The following SERINC3 variants were observed in gnomAD, a reference collection of about 807,000 sequenced individuals.
SERINC3 encodes the protein tumor differentially expressed protein 1.
SERINC3 carries 22 observed loss-of-function variants against 52.1 expected under a neutral mutation model. The observed-to-expected ratio is 0.42, with a 90% CI of 0.30 to 0.60. The LOEUF is 0.60. Among genes scored for constraint, SERINC3 ranks in the 20% least tolerant of loss-of-function variants. The probability of loss-of-function intolerance (pLI) is 0.16; values close to 1 mark genes in which losing one functional copy is unlikely to be tolerated. For synonymous variants in SERINC3, 226 were observed against 212.7 expected (o/e 1.06, Z -0.54); for missense variants, 564 against 584.6 (o/e 0.96, Z 0.36).
intron 1 of SERINC3, 174 bp from the exon 2 acceptor site, chr20:44,514,214 G>A (rs1367020590): frequency 5.1e-5 from 14 of 272,150 alleles, no homozygotes; most frequent in Non-Finnish European, 6.7e-5. Context: ...TATTTCTGCC[G>A]CTTTTTACCC....
At chr20:44,502,109 T>C (rs2064283555) in intron 8 of SERINC3, among the ~76,000 whole-genome samples, 1 of 152,160 alleles carries the variant, frequency 6.6e-6, no homozygotes, top group Non-Finnish European at 1.5e-5. Context: ...TCCAACAATG[T>C]AGTAAAATTC....
At chr20:44,519,133 G>C (rs1208153584) in intron 1 of SERINC3, among the ~76,000 whole-genome samples, 1 of 152,154 alleles carries the variant, frequency 6.6e-6, no homozygotes. Flanking sequence ...GCTGGAGGAA[G>C]ATTCTTCCCA....
intron 8 of SERINC3, among the ~76,000 whole-genome samples, chr20:44,501,758 A>AT (rs1182448595): frequency 1.3e-5 from 2 of 152,218 alleles, no homozygotes; most frequent in Non-Finnish European, 2.9e-5. Context: ...GCCACTGCAC[A>AT]TATCACTCCT....
chr20:44,516,477 C>T (rs1031415180), intron 1 of SERINC3, among the ~76,000 whole-genome samples: 2 of 152,042 alleles, frequency 1.3e-5, no homozygotes, highest in African/African-American at 2.4e-5. Context: ...ACTGCAACCT[C>T]ACCCTCCTGG....
intron 8 of SERINC3, 149 bp from the exon 9 acceptor site, chr20:44,501,449 G>T: frequency 1.5e-6 from 1 of 645,512 alleles, no homozygotes; most frequent in Non-Finnish European, 2.7e-6. Flanking sequence ...GTTCTGAACT[G>T]CTGCCTGTCA....
intron 1 of SERINC3, among the ~76,000 whole-genome samples, chr20:44,514,883 A>G (rs2064370397): frequency 6.6e-6 from 1 of 152,260 alleles, no homozygotes; most frequent in Non-Finnish European, 1.5e-5. Flanking sequence ...AGTTAAATAC[A>G]GAATGACCAT....
chr20:44,509,325 T>C (rs535166719), intron 5 of SERINC3, among the ~76,000 whole-genome samples: 15 of 152,306 alleles, frequency 9.8e-5, no homozygotes, highest in African/African-American at 3.6e-4. Flanking sequence ...TTCCTCTCCA[T>C]GGAAACAAGG....
At chr20:44,505,388 C>T (rs768299686) in intron 6 of SERINC3, among the ~76,000 whole-genome samples, 11 of 151,944 alleles carry the variant, frequency 7.2e-5, no homozygotes, top group Non-Finnish European at 1.6e-4. Flanking sequence ...TGCAGTGGTG[C>T]GATCTCAGCT....
At position 44,509,970 on chromosome 20, in the gene SERINC3, C is replaced by T. The variant is rs1009687051; in HGVS notation, c.534G>A (p.Leu178=). The T allele has an allele frequency of 3.1e-6, 5 of 1,614,022 alleles. No homozygotes were observed. Among genetic ancestry groups the T allele is most frequent in the African/African-American group, 1.3e-5 (1 of 74,926 alleles). Residue 178 remains leucine, a synonymous_variant, in exon 5 of 10, where the codon CTG becomes CTA. Coordinates refer to ENST00000342374, the MANE Select transcript of SERINC3 (RefSeq NM_006811.4). The part of the protein sequence containing the change: ...AALFILIQLV[L]LVDFAHSWNE... ...TCCAAGAATGAGCAAAATCTACCAGCAGCACCAGCTGAATGAGGATGAAGA... is the reference window on the plus strand; with the variant it reads ...TCCAAGAATGAGCAAAATCTACCAGTAGCACCAGCTGAATGAGGATGAAGA...
intron 1 of SERINC3, among the ~76,000 whole-genome samples, chr20:44,518,548 A>G (rs2064395292): frequency 6.6e-6 from 1 of 152,190 alleles, no homozygotes. Context: ...CCATACCTGC[A>G]TAAACAAGTA....
At chr20:44,508,342 G>A (rs568515601) in intron 5 of SERINC3, among the ~76,000 whole-genome samples, 21 of 151,988 alleles carry the variant, frequency 1.4e-4, no homozygotes, top group Admixed American at 1.4e-3. Context: ...TCGTGGTGGT[G>A]TAGGCGTGGT....
chr20:44,506,280 T>TAA (rs2064312019), intron 6 of SERINC3, among the ~76,000 whole-genome samples: 1 of 80,012 alleles, frequency 1.2e-5, no homozygotes, highest in African/African-American at 6.0e-5. Context: ...AGACTTTGTC[T>TAA]CAAAAAAAAA....
chr20:44,510,859 G>A (rs1180792534), intron 4 of SERINC3, among the ~76,000 whole-genome samples: 1 of 151,868 alleles, frequency 6.6e-6, no homozygotes, highest in East Asian at 1.9e-4. Flanking sequence ...ATATTAATCG[G>A]ATACCATCTC....
intron 7 of SERINC3, 80 bp from the exon 8 acceptor site, chr20:44,504,075 T>C (rs1332380568): frequency 4.3e-6 from 5 of 1,168,512 alleles, no homozygotes; most frequent in Non-Finnish European, 6.0e-6. Context: ...TCCCTACATA[T>C]CATTCAGTCA....
At chr20:44,511,684 G>A (rs1568788740) in intron 3 of SERINC3, among the ~76,000 whole-genome samples, 1 of 152,214 alleles carries the variant, frequency 6.6e-6, no homozygotes, top group Admixed American at 6.5e-5. Context: ...AAATAACAGT[G>A]TTAGGTACAC....
intron 8 of SERINC3, 105 bp from the exon 9 acceptor site, chr20:44,501,405 G>T: frequency 1.1e-6 from 1 of 895,334 alleles, no homozygotes. Context: ...TTCCTACTTT[G>T]GAGACTGAAA....
In SERINC3 at chr20:44,500,273, T is replaced by G. The variant is rs770190299; in HGVS notation, c.*23A>C. On this transcript the variant is annotated 3_prime_UTR_variant, in exon 10 of 10. Transcript: ENST00000342374. ...TGAAGGAGACCTTTGTGAGTTCCAG[T>G]GGTGTCCTTGGCACTCAGAGGTTCA... 2 of 1,604,738 alleles carry G rather than the reference T, an allele frequency of 1.2e-6. No individual in the cohort carries two copies. The highest frequency in any genetic ancestry group is 1.7e-6 in the Non-Finnish European group (2 of 1,174,378).
At chr20:44,517,746 T>C (rs905581215) in intron 1 of SERINC3, among the ~76,000 whole-genome samples, 8 of 152,214 alleles carry the variant, frequency 5.3e-5, no homozygotes, top group African/African-American at 1.9e-4. Context: ...TACTTTGTTA[T>C]AAAGCCCTGG....
intron 8 of SERINC3, among the ~76,000 whole-genome samples, 173 bp downstream of exon 8, chr20:44,503,642 T>C (rs1293177458): frequency 1.3e-5 from 2 of 152,136 alleles, no homozygotes; most frequent in East Asian, 3.8e-4. Flanking sequence ...AGCAAGACAC[T>C]GTCTCAAAAA....
Sources: gnomAD v4.1 joint callset for allele counts (sites outside exome capture counted in the v4.1 genomes callset) on GRCh38, gnomAD v4.1.1 for gene constraint, MANE v1.5 for transcripts, NCBI Gene and HGNC (gene_info 2026-07-23, HGNC 2026-07-21) for gene names.